The following NTRK3 variants were observed in gnomAD, a reference collection of about 807,000 sequenced individuals.
NTRK3 encodes the protein NT-3 growth factor receptor.
NTRK3 carries 24 observed loss-of-function variants against 91.7 expected under a neutral mutation model. The observed-to-expected ratio is 0.26, with a 90% CI of 0.19 to 0.37. The LOEUF (loss-of-function observed/expected upper bound fraction) is 0.37, where lower values mean the gene tolerates loss of function less well. NTRK3 is among the 10% of genes least tolerant of loss of function. The probability of loss-of-function intolerance (pLI) is 1.00; values close to 1 mark genes in which losing one functional copy is unlikely to be tolerated. For synonymous variants in NTRK3, 483 were observed against 404.0 expected (o/e 1.20, Z -2.34); for missense variants, 880 against 1,068.9 (o/e 0.82, Z 2.46).
intron 14 of NTRK3, among the ~76,000 whole-genome samples, chr15:87,979,936 C>T (rs1476669283): frequency 6.6e-6 from 1 of 152,136 alleles, no homozygotes; most frequent in Non-Finnish European, 1.5e-5. Flanking sequence ...ATTTCTAATT[C>T]TAGGAGCTAA....
At chr15:87,921,755 C>T (rs377166673) in intron 17 of NTRK3, among the ~76,000 whole-genome samples, 1 of 152,258 alleles carries the variant, frequency 6.6e-6, no homozygotes, top group South Asian at 2.1e-4. Flanking sequence ...AGTATCTTCT[C>T]CCTACAAAGA....
intron 5 of NTRK3, among the ~76,000 whole-genome samples, chr15:88,177,190 T>C (rs901028419): frequency 9.2e-5 from 14 of 152,328 alleles, no homozygotes; most frequent in Admixed American, 7.8e-4. Context: ...GTGAGTCCTG[T>C]GGCCATGGAA....
At chr15:87,876,865 A>T (rs2141433489) in exon 19 of NTRK3, 5 of 1,535,494 alleles carry the variant, frequency 3.3e-6, no homozygotes, top group Non-Finnish European at 4.5e-6. Context: ...AGGAGTTGTG[A>T]GGTGGAAGGG....
intron 5 of NTRK3, among the ~76,000 whole-genome samples, chr15:88,164,424 T>C (rs1031622623): frequency 6.6e-6 from 1 of 152,228 alleles, no homozygotes; most frequent in African/African-American, 2.4e-5. Context: ...GAGATCCAGT[T>C]AACCCCTGAT....
At chr15:87,973,881 G>C (rs1047758063) in intron 14 of NTRK3, among the ~76,000 whole-genome samples, 1 of 152,204 alleles carries the variant, frequency 6.6e-6, no homozygotes, top group East Asian at 1.9e-4. Flanking sequence ...TGCTTTCAGA[G>C]TCATGCTGGC....
intron 14 of NTRK3, among the ~76,000 whole-genome samples, chr15:88,005,528 G>T (rs1048373685): frequency 6.6e-6 from 1 of 152,102 alleles, no homozygotes; most frequent in African/African-American, 2.4e-5. Flanking sequence ...CCCTCTGCAT[G>T]GCTCTCCCAC....
chr15:87,870,181 T>TAC (rs58874538), exon 19 of NTRK3: 10,801 of 168,030 alleles, frequency 0.064, 307 homozygotes, highest in South Asian at 0.12. Context: ...GAAACTGTGG[T>TAC]ACACACACAC....
At chr15:87,965,652 A>C (rs1005694884) in intron 14 of NTRK3, among the ~76,000 whole-genome samples, 1 of 152,250 alleles carries the variant, frequency 6.6e-6, no homozygotes, top group Non-Finnish European at 1.5e-5. Context: ...CAGGATTTCC[A>C]AGGCTTGAAG....
intron 5 of NTRK3, among the ~76,000 whole-genome samples, chr15:88,155,903 T>G (rs1224338916): frequency 6.6e-6 from 1 of 152,184 alleles, no homozygotes; most frequent in Non-Finnish European, 1.5e-5. Context: ...CCATATGTGC[T>G]TCACTCTCAG....
chr15:88,135,315 T>C (rs766247723), exon 10 of NTRK3: 2 of 1,614,076 alleles, frequency 1.2e-6, no homozygotes, highest in Non-Finnish European at 1.7e-6. Flanking sequence ...GCAGCGTTGG[T>C]GGGGGGTTGC....
intron 14 of NTRK3, among the ~76,000 whole-genome samples, chr15:88,000,127 A>G (rs563835492): frequency 6.6e-6 from 1 of 152,352 alleles, no homozygotes; most frequent in Non-Finnish European, 1.5e-5. Context: ...GGGGTAATCC[A>G]GGAGTGGAAG....
rs1318314771 is a variant in NTRK3, at chr15:87,918,956, G to A, written c.2133+10235C>T. Among the ~76,000 whole-genome samples the A allele has an allele frequency of 2.0e-5, 3 of 152,192 alleles. No individual in the cohort carries two copies. In the East Asian group the frequency reaches 5.8e-4, roughly 29 times the overall value. ...AACCGAGTGACTGAACTGGGACTCA[G>A]TTCTTTCAGTCCCAGTCCAGGAAAA... On this transcript the variant is annotated intron_variant, in intron 17 of 18. Coordinates refer to ENST00000394480, the Ensembl canonical transcript of NTRK3.
intron 14 of NTRK3, among the ~76,000 whole-genome samples, chr15:88,031,549 C>T (rs1345164469): frequency 1.3e-5 from 2 of 152,192 alleles, no homozygotes; most frequent in African/African-American, 4.8e-5. Flanking sequence ...CCTTGCCCAG[C>T]CGTGGTTCAG....
exon 19 of NTRK3, chr15:87,871,848 G>T (rs1387531143): frequency 4.5e-6 from 1 of 221,930 alleles, no homozygotes; most frequent in African/African-American, 2.2e-5. Context: ...TTCTTTAGAA[G>T]ACACTCCCAG....
At chr15:87,988,820 T>C (rs555434337) in intron 14 of NTRK3, among the ~76,000 whole-genome samples, 1 of 152,348 alleles carries the variant, frequency 6.6e-6, no homozygotes, top group African/African-American at 2.4e-5. Flanking sequence ...TTTTATCTTA[T>C]TGAAGTGGCT....
intron 3 of NTRK3, among the ~76,000 whole-genome samples, chr15:88,207,953 G>A (rs1000938251): frequency 6.6e-6 from 1 of 152,174 alleles, no homozygotes; most frequent in African/African-American, 2.4e-5. Flanking sequence ...GATTCTGGGA[G>A]GCCAGCCTGC....
At chr15:88,166,942 G>A (rs1487929447) in intron 5 of NTRK3, among the ~76,000 whole-genome samples, 2 of 151,954 alleles carry the variant, frequency 1.3e-5, no homozygotes, top group African/African-American at 4.8e-5. Context: ...GCTTGTATGT[G>A]CACACATGTA....
chr15:88,076,373 T>C (rs2047545854), intron 13 of NTRK3, among the ~76,000 whole-genome samples: 1 of 152,112 alleles, frequency 6.6e-6, no homozygotes, highest in African/African-American at 2.4e-5. Context: ...CAATTCAAGA[T>C]GAGATTTGGG....
At chr15:88,244,753 T>G (rs1249798716) in intron 3 of NTRK3, among the ~76,000 whole-genome samples, 4 of 152,256 alleles carry the variant, frequency 2.6e-5, no homozygotes, top group Non-Finnish European at 5.9e-5. Flanking sequence ...CCTATCCCAT[T>G]GGATTCCTAA....
Sources: gnomAD v4.1 joint callset for allele counts (sites outside exome capture counted in the v4.1 genomes callset) on GRCh38, gnomAD v4.1.1 for gene constraint, MANE v1.5 for transcripts, NCBI Gene and HGNC (gene_info 2026-07-23, HGNC 2026-07-21) for gene names.